The following A2ML1 variants were observed in gnomAD, a reference collection of about 807,000 sequenced individuals.
The protein encoded by A2ML1 is alpha-2-macroglobulin-like protein 1.
Under a neutral mutation model 181.9 loss-of-function variants are expected in A2ML1, and 161 were observed. The ratio of observed to expected loss-of-function variants is 0.89; its 90% CI spans 0.78 to 1.01. A2ML1 has a LOEUF of 1.01. A2ML1 is among the 50% of genes least tolerant of loss of function. The pLI is 0.00. For missense variants in A2ML1, 1,670 were observed against 1,768.1 expected, an observed-to-expected ratio of 0.94 and a Z score of 1.00; for synonymous variants, 663 against 666.8, an observed-to-expected ratio of 0.99 and a Z score of 0.09.
intron 10 of A2ML1, among the ~76,000 whole-genome samples, chr12:8,839,829 C>A (rs1473774166): frequency 6.6e-6 from 1 of 152,146 alleles, no homozygotes; most frequent in Non-Finnish European, 1.5e-5. Flanking sequence ...TTCACCGCAA[C>A]CTCCACCTCC....
intron 4 of A2ML1, chr12:8,830,572 G>A (rs1943078461): frequency 6.6e-6 from 1 of 151,980 alleles, no homozygotes; most frequent in Non-Finnish European, 1.5e-5. Context: ...TTTTTCCTTG[G>A]ACTCCCCATC....
downstream of A2ML1, among the ~76,000 whole-genome samples, chr12:8,881,642 T>G (rs1944871578): frequency 6.6e-6 from 1 of 152,206 alleles, no homozygotes; most frequent in Admixed American, 6.5e-5. Context: ...TTTGATCCCT[T>G]TTAACTGGGT....
intron 33 of A2ML1, among the ~76,000 whole-genome samples, chr12:8,870,299 G>A (rs780020650): frequency 6.6e-6 from 1 of 151,574 alleles, no homozygotes; most frequent in Admixed American, 6.6e-5. Context: ...ACGCAGTCTC[G>A]CTCTGTCACC....
chr12:8,831,735 GT>G lies in A2ML1; in HGVS notation c.462+1965del, dbSNP rs1033116223. Among the ~76,000 whole-genome samples, 6 of 150,534 alleles carry G rather than the reference GT, an allele frequency of 4.0e-5. No homozygotes were observed. In the East Asian group the frequency reaches 7.8e-4, roughly 20 times the overall value. ...GTCTCCCTGAGCATTTGGAAATCGA[GT>G]TTTTTTTTGTTTTTGTTTTTGTTTT... is the stretch of plus-strand genomic sequence containing the variant. On this transcript the variant is annotated intron_variant, in intron 4 of 35. Coordinates refer to ENST00000299698, the MANE Select transcript of A2ML1 (RefSeq NM_144670.6).
At chr12:8,823,057 T>A in intron 1 of A2ML1, 125 bp from the exon 2 acceptor site, 1 of 936,674 alleles carries the variant, frequency 1.1e-6, no homozygotes. Context: ...GAAAATGAGG[T>A]GCATAAGGAA....
downstream of A2ML1, among the ~76,000 whole-genome samples, chr12:8,880,024 C>T (rs1417213638): frequency 2.0e-5 from 3 of 152,140 alleles, no homozygotes; most frequent in Admixed American, 6.5e-5. Context: ...AACAAATTAA[C>T]AGTTATAATA....
intron 28 of A2ML1, among the ~76,000 whole-genome samples, chr12:8,862,462 A>C (rs183097057): frequency 3.1e-4 from 47 of 152,322 alleles, no homozygotes; most frequent in African/African-American, 1.0e-3. Flanking sequence ...TTGGTCTTCC[A>C]AAGTGCTGAA....
At chr12:8,861,045 T>A in intron 27 of A2ML1, 90 bp downstream of exon 27, 2 of 1,607,286 alleles carry the variant, frequency 1.2e-6, no homozygotes, top group Non-Finnish European at 1.7e-6. Context: ...GTCACCCTTT[T>A]AAGGTCAAGA....
chr12:8,873,042 A>G (rs1944681569), intron 33 of A2ML1, among the ~76,000 whole-genome samples: 1 of 151,992 alleles, frequency 6.6e-6, no homozygotes, highest in Admixed American at 6.6e-5. Context: ...GTATATTTGT[A>G]AGAGAATGAG....
intron 3 of A2ML1, among the ~76,000 whole-genome samples, chr12:8,824,678 A>C (rs145229423): frequency 1.3e-5 from 2 of 150,982 alleles, no homozygotes; most frequent in African/African-American, 4.9e-5. Flanking sequence ...CCTTCCCAGC[A>C]TCTGGTAACC....
downstream of A2ML1, among the ~76,000 whole-genome samples, chr12:8,878,587 C>G (rs1233919703): frequency 6.6e-6 from 1 of 152,106 alleles, no homozygotes; most frequent in African/African-American, 2.4e-5. The surrounding 1 kb of genome is among the most constrained non-coding windows in gnomAD (Gnocchi z 4.4). Flanking sequence ...TAACTCAAAC[C>G]ACAGCATCAC....
In A2ML1 at chr12:8,874,483, A is replaced by G. The variant is rs755394577; in HGVS notation, c.4280A>G (p.Asn1427Ser). 2.4e-5 allele frequency: 39 copies of G among 1,614,132 alleles called. No homozygotes were observed. Among genetic ancestry groups the G allele is most frequent in the Non-Finnish European group, 3.2e-5 (38 of 1,179,998 alleles). Residue 1427 changes from asparagine to serine, a missense_variant, in exon 34 of 36, where the codon AAC becomes AGC. Asn to Ser is a conservative substitution (Grantham distance 46). Coordinates refer to ENST00000299698, the MANE Select transcript of A2ML1 (RefSeq NM_144670.6). ...ATCAGCCAAAGTGTGCTGGTCACCA[A>G]CTTGAAACCAGCAACCATCAAGGTC... ...FTISQSVLVT[N>S]LKPATIKVYD...
In A2ML1 at chr12:8,874,438, C is replaced by T. The variant is rs1258504758; in HGVS notation, c.4235C>T (p.Thr1412Ile). Residue 1412 changes from threonine (T) to isoleucine (I), a missense_variant, in exon 34 of 36, where the codon ACT (threonine) becomes ATT (isoleucine). By Grantham distance (89) the Thr-to-Ile change is moderately conservative. Transcript: ENST00000299698. Reference protein sequence around the residue: ...NIYLDELIKNTQTYTFTISQS... With the variant: ...NIYLDELIKNIQTYTFTISQS... Reference sequence around the variant, plus strand: ...TCTTCCCCACAGCTCATTAAGAACACTCAGACTTACACCTTCACCATCAGC... The same window carrying T: ...TCTTCCCCACAGCTCATTAAGAACATTCAGACTTACACCTTCACCATCAGC... The T allele has an allele frequency of 6.2e-7, 1 of 1,613,952 alleles. No homozygotes were observed. Among genetic ancestry groups the T allele is most frequent in the Non-Finnish European group, 8.5e-7 (1 of 1,179,864 alleles).
At position 8,850,264 on chromosome 12, in the gene A2ML1, T is replaced by C; in HGVS notation, c.2224T>C (p.Phe742Leu). Reference sequence around the variant, plus strand: ...CCCAGAGACCTGGCTCTGGGATCTGTTTCCTATTGGGTAAGTGATGACTCA... The same window carrying C: ...CCCAGAGACCTGGCTCTGGGATCTGCTTCCTATTGGGTAAGTGATGACTCA... Reference protein sequence around the residue: ...YFPETWLWDLFPIGNSGKEAV... With the variant: ...YFPETWLWDLLPIGNSGKEAV... Residue 742 changes from phenylalanine to leucine, a missense_variant, in exon 18 of 36, where the codon TTT (phenylalanine) becomes CTT (leucine). Transcript: ENST00000299698. 1 of 1,611,800 alleles carries C rather than the reference T, an allele frequency of 6.2e-7. No individual in the cohort carries two copies. The highest frequency in any genetic ancestry group is 8.5e-7 in the Non-Finnish European group (1 of 1,179,232).
intron 33 of A2ML1, among the ~76,000 whole-genome samples, chr12:8,873,274 CTG>C (rs1352445435): frequency 6.7e-6 from 1 of 149,932 alleles, no homozygotes; most frequent in Non-Finnish European, 1.5e-5. Flanking sequence ...GGGTCTCACT[CTG>C]TTGCCCAGGC....
intron 28 of A2ML1, among the ~76,000 whole-genome samples, chr12:8,861,628 C>T (rs1043150943): frequency 2.0e-5 from 3 of 152,008 alleles, no homozygotes; most frequent in East Asian, 1.9e-4. Flanking sequence ...GCTGGGACTA[C>T]AGGCGCCCAC....
At chr12:8,859,207 C>A (rs1944174302) in intron 26 of A2ML1, among the ~76,000 whole-genome samples, 5 of 151,960 alleles carry the variant, frequency 3.3e-5, no homozygotes, top group African/African-American at 9.7e-5. Context: ...TCAGGACACA[C>A]TCAGTGCAAG....
At chr12:8,867,742 A>G in intron 29 of A2ML1, 100 bp from the exon 30 acceptor site, 1 of 1,049,510 alleles carries the variant, frequency 9.5e-7, no homozygotes, top group Non-Finnish European at 1.4e-6. Flanking sequence ...TCATCATCCA[A>G]GCCAACTAAC....
At chr12:8,883,485 C>CT (rs373396422) in intron 7 of A2ML1, among the ~76,000 whole-genome samples, 1,531 of 151,370 alleles carry the variant, frequency 0.01, 28 homozygotes, top group African/African-American at 0.035. Context: ...CTCTCTCTCT[C>CT]TTTTTTTTTG....
Sources: gnomAD v4.1 joint callset for allele counts (sites outside exome capture counted in the v4.1 genomes callset) on GRCh38, gnomAD v4.1.1 for gene constraint, Gnocchi (gnomAD v3.1) non-coding constraint, MANE v1.5 for transcripts, NCBI Gene and HGNC (gene_info 2026-07-23, HGNC 2026-07-21) for gene names.